The following KLHL13 variants were observed in gnomAD, a reference collection of about 807,000 sequenced individuals.
KLHL13 encodes the protein kelch-like protein 13.
A neutral mutation model predicts 37.1 loss-of-function variants in KLHL13; 10 were observed. That is an observed-to-expected ratio of 0.27 (90% CI 0.17 to 0.46). KLHL13 has a LOEUF of 0.46. Among genes scored for constraint, KLHL13 ranks in the 20% least tolerant of loss-of-function variants. KLHL13 has a pLI of 1.00. For missense variants in KLHL13, 360 were observed against 509.3 expected (o/e 0.71, Z 2.82); for synonymous variants, 163 against 181.2 (o/e 0.90, Z 0.81).
intron 1 of KLHL13, among the ~76,000 whole-genome samples, chrX:118,007,392 A>AGAGAG (rs1264227824): frequency 1.9e-5 from 2 of 103,969 alleles, no homozygotes; most frequent in African/African-American, 7.6e-5. Flanking sequence ...AAAAAAAAAA[A>AGAGAG]AGAGAGAGAG....
intron 1 of KLHL13, among the ~76,000 whole-genome samples, chrX:117,998,032 G>A (rs1359962438): frequency 9.0e-6 from 1 of 110,768 alleles, no homozygotes; most frequent in Admixed American, 9.7e-5. Flanking sequence ...AAATTGAGAC[G>A]CAGGGAAGCC....
chrX:118,070,999 A>C (rs1314816716), intron 1 of KLHL13, among the ~76,000 whole-genome samples: 9 of 107,824 alleles, frequency 8.3e-5, no homozygotes, highest in Non-Finnish European at 1.7e-4. Context: ...GAGTGAGAAT[A>C]TGTGGTGTTT....
intron 1 of KLHL13, among the ~76,000 whole-genome samples, chrX:118,067,719 C>A (rs1415244995): frequency 9.0e-6 from 1 of 110,800 alleles, no homozygotes; most frequent in Non-Finnish European, 1.9e-5. Flanking sequence ...TCTTCCACCT[C>A]CACATCGCAT....
At position 118,052,582 on chromosome X, in the gene KLHL13, C is replaced by T. The variant is rs189849736; in HGVS notation, c.-56+63926G>A. On this transcript the variant is annotated intron_variant, in intron 1 of 6. Coordinates refer to the KLHL13 transcript ENST00000371882. Reference sequence around the variant, plus strand: ...GTGGCTCACGCCTGTAATCCCAGCACTTTGGGAGGCCGAGGTGGGCAGATC... The same window carrying T: ...GTGGCTCACGCCTGTAATCCCAGCATTTTGGGAGGCCGAGGTGGGCAGATC... Among the ~76,000 whole-genome samples the T allele has an allele frequency of 1.4e-3, 145 of 106,854 alleles. 2 individuals are homozygous for T. The highest frequency in any genetic ancestry group is 4.8e-3 in the African/African-American group (141 of 29,258). The allele number at this position is 106,854 out of a possible 115,157, so 92.8% of individuals were successfully genotyped here. A position where few individuals can be genotyped will look rare whatever the true frequency, so the allele number is the denominator to read the frequency against.
intron 2 of KLHL13, among the ~76,000 whole-genome samples, chrX:117,924,408 C>CA (rs1207433466): frequency 2.7e-5 from 3 of 111,978 alleles, no homozygotes; most frequent in Admixed American, 1.9e-4. Context: ...TTTTTGCTTT[C>CA]ACTCATAAAT....
At chrX:118,068,644 A>G (rs1469188454) in intron 1 of KLHL13, among the ~76,000 whole-genome samples, 1 of 110,947 alleles carries the variant, frequency 9.0e-6, no homozygotes, top group Non-Finnish European at 1.9e-5. Flanking sequence ...CTGCCTAGAG[A>G]CCACAAAGCT....
At chrX:117,916,683 G>C (rs184654973) in intron 4 of KLHL13, among the ~76,000 whole-genome samples, 1 of 111,833 alleles carries the variant, frequency 8.9e-6, no homozygotes, top group Non-Finnish European at 1.9e-5. Flanking sequence ...CACACTTTAC[G>C]TACCACTGTT....
At chrX:117,946,900 C>T (rs1194048867) in intron 1 of KLHL13, 5 of 111,431 alleles carry the variant, frequency 4.5e-5, no homozygotes, top group Non-Finnish European at 9.4e-5. Context: ...CAATAATTAG[C>T]AAAAATTCTG....
chrX:118,088,730 A>G (rs1427767740), intron 1 of KLHL13, among the ~76,000 whole-genome samples: 2 of 111,999 alleles, frequency 1.8e-5, no homozygotes, highest in Non-Finnish European at 3.8e-5. Context: ...AGGCCAAAAT[A>G]AGTCAAACTT....
rs1221332226 is a variant in KLHL13 at position 118,029,580 on chromosome X, C to G, written c.-55-84005G>C. 2.7e-5 allele frequency among the ~76,000 whole-genome samples: 3 copies of G among 111,634 alleles called. No individual in the cohort carries two copies. In the East Asian group the frequency reaches 8.4e-4, roughly 31 times the overall value. ...TATTCGTTTCAGATATATTGGGAAG[C>G]AAAATGTAAATTTTACTTAAATATC... On this transcript the variant is annotated intron_variant, in intron 1 of 6. Coordinates refer to the KLHL13 transcript ENST00000371882.
chrX:118,007,370 CAAAA>C (rs57382655), intron 1 of KLHL13, among the ~76,000 whole-genome samples: 6 of 46,598 alleles, frequency 1.3e-4, no homozygotes, highest in East Asian at 9.3e-4. Flanking sequence ...GAGACCCTGT[CAAAA>C]AAAAAAAAAA....
Position 118,081,454 on chromosome X carries a change from G to T in KLHL13, c.-56+35054C>A, listed in dbSNP as rs772756788. Reference sequence around the variant, plus strand: ...TTTGTTACAGTGATGTTGATTTTTGGTTTTTTTTAACTGATACATAATAAT... The same window carrying T: ...TTTGTTACAGTGATGTTGATTTTTGTTTTTTTTTAACTGATACATAATAAT... On this transcript the variant is annotated intron_variant, in intron 1 of 6. Transcript: ENST00000371882. 1.7e-3 allele frequency among the ~76,000 whole-genome samples: 187 copies of T among 110,095 alleles called. 1 individual carries two copies. The highest frequency in any genetic ancestry group is 3.5e-3 in the African/African-American group (105 of 30,306).
intron 1 of KLHL13, among the ~76,000 whole-genome samples, chrX:118,070,754 A>G (rs1444791702): frequency 4.7e-5 from 5 of 107,493 alleles, no homozygotes; most frequent in Admixed American, 3.0e-4. Context: ...ATTTTTATTT[A>G]TTTATTTATT....
In KLHL13 at chrX:117,924,378, T is replaced by A. The variant is rs183601880; in HGVS notation, c.241-4008A>T. Among the ~76,000 whole-genome samples, 18 of 112,066 alleles carry A rather than the reference T, an allele frequency of 1.6e-4. No individual in the cohort carries two copies. In the East Asian group the frequency reaches 4.2e-3, roughly 26 times the overall value. On this transcript the variant is annotated intron_variant, in intron 2 of 6. Coordinates refer to ENST00000262820, the Ensembl canonical transcript of KLHL13. Reference sequence around the variant, plus strand: ...GGTTCATTATCTTCCAAAATTCTCATCTGCCTTCTATATATCTACTTTTTG... The same window carrying A: ...GGTTCATTATCTTCCAAAATTCTCAACTGCCTTCTATATATCTACTTTTTG...
intron 4 of KLHL13, among the ~76,000 whole-genome samples, chrX:117,912,985 G>C (rs781142984): frequency 1.8e-5 from 2 of 111,671 alleles, no homozygotes; most frequent in East Asian, 5.6e-4. Context: ...TTCAAAATGA[G>C]ACACAGACAA....
intron 1 of KLHL13, among the ~76,000 whole-genome samples, chrX:117,970,795 T>C (rs1457787964): frequency 8.9e-6 from 1 of 111,895 alleles, no homozygotes; most frequent in African/African-American, 3.2e-5. Flanking sequence ...GCATATTTAC[T>C]TACTATTAAG....
rs188003169 is a variant in KLHL13 at position 118,088,809 on chromosome X, G to T, written c.-56+27699C>A. Among the ~76,000 whole-genome samples the T allele has an allele frequency of 2.7e-5, 3 of 111,625 alleles. No homozygotes were observed. In the Admixed American group the frequency reaches 2.9e-4, roughly 11 times the overall value. Reference sequence around the variant, plus strand: ...CTACAAAATATGGCTAACAATCATGGATATTGTATATAAAAACATAAAATG... The same window carrying T: ...CTACAAAATATGGCTAACAATCATGTATATTGTATATAAAAACATAAAATG... On this transcript the variant is annotated intron_variant, in intron 1 of 6. Coordinates refer to the KLHL13 transcript ENST00000371882.
intron 1 of KLHL13, chrX:117,972,699 C>G (rs2053544151): frequency 6.1e-6 from 7 of 1,150,595 alleles, no homozygotes; most frequent in Non-Finnish European, 8.3e-6. Context: ...TGAATGAAAT[C>G]CCACTTTAAT....
At chrX:118,031,048 G>C (rs951530319) in intron 1 of KLHL13, among the ~76,000 whole-genome samples, 1 of 110,873 alleles carries the variant, frequency 9.0e-6, no homozygotes, top group Non-Finnish European at 1.9e-5. Flanking sequence ...GTAGGTGATA[G>C]GATATGGAAC....
Sources: gnomAD v4.1 joint callset for allele counts (sites outside exome capture counted in the v4.1 genomes callset) on GRCh38, gnomAD v4.1.1 for gene constraint, MANE v1.5 for transcripts, NCBI Gene and HGNC (gene_info 2026-07-23, HGNC 2026-07-21) for gene names.